The following CDH18 variants were observed in gnomAD, a reference collection of about 807,000 sequenced individuals.
CDH18 encodes cadherin-18.
CDH18 carries 31 observed loss-of-function variants against 67.9 expected under a neutral mutation model. The ratio of observed to expected loss-of-function variants is 0.46; its 90% CI spans 0.34 to 0.62. CDH18 has a LOEUF of 0.62. Among genes scored for constraint, CDH18 ranks in the 20% least tolerant of loss-of-function variants. CDH18 has a pLI of 0.01. For missense variants in CDH18, 890 were observed against 975.5 expected, an observed-to-expected ratio of 0.91 and a Z score of 1.17; for synonymous variants, 362 against 347.2, an observed-to-expected ratio of 1.04 and a Z score of -0.48.
rs895927869 is a variant in CDH18 at position 20,305,560 on chromosome 5, G to A, written c.-579-50055C>T. ...AGCGGCTGGTGGTCGCGGGGCTGAGGGCGCTCGGCCGCTTCCGGTCCTGCG... is the reference window on the plus strand; with the variant it reads ...AGCGGCTGGTGGTCGCGGGGCTGAGAGCGCTCGGCCGCTTCCGGTCCTGCG... On this transcript the variant is annotated intron_variant, in intron 1 of 14. Coordinates refer to the CDH18 transcript ENST00000507958. 3 of 677,784 alleles carry A rather than the reference G, an allele frequency of 4.4e-6. No individual in the cohort carries two copies. The African/African-American group carries it at 5.4e-5, about 12-fold the overall frequency. 42.0% of individuals were successfully genotyped at this position (677,784 alleles called of 1,614,324 possible). A position where few individuals can be genotyped will look rare whatever the true frequency, so the allele number is the denominator to read the frequency against.
At chr5:19,918,281 T>G (rs10053757) in intron 2 of CDH18, among the ~76,000 whole-genome samples, 8,401 of 152,244 alleles carry the variant, frequency 0.055, 809 homozygotes, top group African/African-American at 0.19. Flanking sequence ...TTAGTACACT[T>G]CAAGATAATG....
chr5:19,690,527 A>C (rs1761723633), intron 5 of CDH18, among the ~76,000 whole-genome samples: 1 of 151,656 alleles, frequency 6.6e-6, no homozygotes, highest in Non-Finnish European at 1.5e-5. Flanking sequence ...TAAAAAGATA[A>C]AGTCAGTAAA....
intron 2 of CDH18, among the ~76,000 whole-genome samples, chr5:20,216,171 G>A (rs1011455963): frequency 7.9e-5 from 12 of 151,770 alleles, no homozygotes; most frequent in Non-Finnish European, 1.3e-4. Flanking sequence ...AAAGATAAAT[G>A]ATCAAAGATC....
At chr5:20,241,100 C>A (rs1742859342) in intron 2 of CDH18, among the ~76,000 whole-genome samples, 1 of 152,116 alleles carries the variant, frequency 6.6e-6, no homozygotes, top group South Asian at 2.1e-4. Flanking sequence ...TATTTACAGT[C>A]TTCCTCTGTG....
chr5:20,074,772 T>C (rs1743781133), intron 2 of CDH18, among the ~76,000 whole-genome samples: 1 of 151,884 alleles, frequency 6.6e-6, no homozygotes, highest in Non-Finnish European at 1.5e-5. Flanking sequence ...TAATTTCCTA[T>C]AGATTTTATG....
intron 3 of CDH18, among the ~76,000 whole-genome samples, chr5:19,833,326 A>G (rs1781263505): frequency 6.6e-6 from 1 of 151,596 alleles, no homozygotes; most frequent in African/African-American, 2.4e-5. Flanking sequence ...CTCCTTGCCT[A>G]TTGTTGGTGT....
At chr5:19,965,217 T>A (rs768117332) in intron 2 of CDH18, among the ~76,000 whole-genome samples, 1 of 152,176 alleles carries the variant, frequency 6.6e-6, no homozygotes, top group Non-Finnish European at 1.5e-5. Context: ...AATGCAAGCA[T>A]AACAATGCCA....
At chr5:19,550,769 G>GTA (rs1737292877) in intron 8 of CDH18, among the ~76,000 whole-genome samples, 2 of 152,100 alleles carry the variant, frequency 1.3e-5, no homozygotes, top group Non-Finnish European at 2.9e-5. Context: ...AATCCTTTGG[G>GTA]TATATACCCA....
chr5:20,272,337 A>G (rs1478273013), intron 1 of CDH18, among the ~76,000 whole-genome samples: 1 of 152,102 alleles, frequency 6.6e-6, no homozygotes, highest in African/African-American at 2.4e-5. Context: ...GAGAAGGCAG[A>G]ATAAGAAAGT....
chr5:19,968,631 G>A (rs992638748), intron 2 of CDH18, among the ~76,000 whole-genome samples: 1 of 147,188 alleles, frequency 6.8e-6, no homozygotes, highest in Non-Finnish European at 1.5e-5. Flanking sequence ...GGGAAAACTG[G>A]CTAGCCATAT....
At chr5:20,342,574 A>G (rs967009931) in intron 1 of CDH18, among the ~76,000 whole-genome samples, 1 of 152,130 alleles carries the variant, frequency 6.6e-6, no homozygotes, top group Non-Finnish European at 1.5e-5. Context: ...ACTACACTTG[A>G]AAAGAACTGT....
At chr5:20,381,816 G>A (rs1460524663) in intron 1 of CDH18, among the ~76,000 whole-genome samples, 1 of 152,054 alleles carries the variant, frequency 6.6e-6, no homozygotes, top group African/African-American at 2.4e-5. Flanking sequence ...AAGGAGAATG[G>A]CTTGAGGTAA....
intron 1 of CDH18, among the ~76,000 whole-genome samples, chr5:20,269,825 A>T (rs138571759): frequency 0.01 from 1,531 of 152,234 alleles, 17 homozygotes; most frequent in South Asian, 0.016. Context: ...ACCACTAGGG[A>T]ATCTATGAAT....
intron 2 of CDH18, among the ~76,000 whole-genome samples, chr5:20,008,513 C>T (rs1044013502): frequency 1.3e-5 from 2 of 152,222 alleles, no homozygotes; most frequent in South Asian, 4.1e-4. Context: ...AACCGTGTTT[C>T]CCACGAAAGT....
intron 1 of CDH18, among the ~76,000 whole-genome samples, chr5:20,506,299 T>C (rs1412984412): frequency 2.0e-5 from 3 of 152,184 alleles, no homozygotes; most frequent in African/African-American, 7.2e-5. Context: ...GTGGGGTGCA[T>C]GATGCACTCA....
chr5:20,517,827 A>T (rs1326363086), intron 1 of CDH18, among the ~76,000 whole-genome samples: 2 of 152,072 alleles, frequency 1.3e-5, no homozygotes, highest in African/African-American at 2.4e-5. Context: ...GGAAAATTTG[A>T]GGTGATTGTG....
chr5:20,163,439 T>C (rs1736048972), intron 2 of CDH18, among the ~76,000 whole-genome samples: 1 of 152,220 alleles, frequency 6.6e-6, no homozygotes, highest in Non-Finnish European at 1.5e-5. Context: ...TGCTTCCCTC[T>C]CTTGTATTGT....
intron 2 of CDH18, among the ~76,000 whole-genome samples, chr5:19,966,727 G>T (rs548064244): frequency 6.6e-6 from 1 of 151,862 alleles, no homozygotes; most frequent in Non-Finnish European, 1.5e-5. Flanking sequence ...TTATTTTCAA[G>T]AGTTATATAT....
intron 1 of CDH18, among the ~76,000 whole-genome samples, chr5:20,278,164 T>C (rs1299216503): frequency 6.6e-6 from 1 of 152,028 alleles, no homozygotes; most frequent in Non-Finnish European, 1.5e-5. Flanking sequence ...AAGAAAGTTA[T>C]AGAACACCAA....
Sources: allele counts gnomAD v4.1 joint callset (sites outside exome capture counted in the v4.1 genomes callset), GRCh38; gene constraint gnomAD v4.1.1; transcripts MANE v1.5; gene names NCBI Gene and HGNC (gene_info 2026-07-23, HGNC 2026-07-21).